The following HK2 variants were observed in gnomAD, a reference collection of about 807,000 sequenced individuals.
HK2 encodes hexokinase 2.
Under a neutral mutation model 92.9 loss-of-function variants are expected in HK2, and 42 were observed. The observed-to-expected ratio is 0.45, with a 90% confidence interval of 0.35 to 0.58. The LOEUF is 0.58. Among genes scored for constraint, HK2 ranks in the 20% least tolerant of loss-of-function variants. The pLI, the probability that HK2 is intolerant of heterozygous loss-of-function variation, is 0.00. For synonymous variants in HK2, 422 were observed against 468.0 expected, an observed-to-expected ratio of 0.90 and a Z score of 1.27; for missense variants, 978 against 1,245.1, an observed-to-expected ratio of 0.79 and a Z score of 3.23.
chr2:74,867,869 C>T (rs1380807348), intron 3 of HK2, 85 bp downstream of exon 3: 15 of 1,500,542 alleles, frequency 1.0e-5, no homozygotes, highest in African/African-American at 1.4e-5. Context: ...CCGCTCCCAG[C>T]GTGTGGATAG....
chr2:74,890,773 G>A, intron 17 of HK2, 24 bp from the exon 18 acceptor site: 3 of 1,613,962 alleles, frequency 1.9e-6, no homozygotes, highest in African/African-American at 2.7e-5. Context: ...GGTTTTTCCT[G>A]TGTCTTCCTC....
Position 74,860,021 on chromosome 2 carries a change from T to A in HK2, c.226+5566T>A, listed in dbSNP as rs542443755. Among the ~76,000 whole-genome samples, 4 of 152,318 alleles carry A rather than the reference T, an allele frequency of 2.6e-5. No homozygotes were observed. The South Asian group carries it at 8.3e-4, about 32-fold the overall frequency. On this transcript the variant is annotated intron_variant, in intron 2 of 17. Transcript: ENST00000290573. ...GAATGAAATAATGTATTTTGCAGCA[T>A]CATGGATGGAACTGGAGGCTGTTAT...
At chr2:74,872,507 G>A (rs572495486) in intron 4 of HK2, 88 bp downstream of exon 4, 21 of 1,462,618 alleles carry the variant, frequency 1.4e-5, no homozygotes, top group Non-Finnish European at 1.8e-5. Flanking sequence ...TGTGGTGGTG[G>A]TGGTAGCACT....
In HK2 at chr2:74,880,596, C is replaced by T. The variant is rs761466946; in HGVS notation, c.1570+27C>T. On this transcript the variant is annotated intron_variant, in intron 10 of 17. Transcript: ENST00000290573. ...TACACGGCAGGGTTGCCACCTGGCT[C>T]ACATGGTGGGCCTTTGTCCTGGTGT... is the stretch of plus-strand genomic sequence containing the variant. The T allele has an allele frequency of 2.5e-6, 4 of 1,607,676 alleles. No individual in the cohort carries two copies. The Admixed American group carries it at 5.1e-5, about 20-fold the overall frequency.
rs1449963316 is a variant in HK2 at position 74,892,190 on chromosome 2, A to ATT, written c.*1249_*1250insTT. The ATT allele has an allele frequency of 2.6e-5, 4 of 152,368 alleles. No individual in the cohort carries two copies. The highest frequency in any genetic ancestry group is 5.9e-5 in the Non-Finnish European group (4 of 68,052). The allele number at this position is 152,368 out of a possible 1,614,324, so 9.4% of individuals were successfully genotyped here. ...GCTTAGAAATCTTTATTCTTAGGGC[A>ATT]GTCAGTAGTATTCTAAAGCTTTCTG... On this transcript the variant is annotated 3_prime_UTR_variant, in exon 18 of 18. Coordinates refer to ENST00000290573, the MANE Select transcript of HK2 (RefSeq NM_000189.5).
Position 74,873,265 on chromosome 2 carries a change from T to G in HK2, c.496-11T>G. The G allele has an allele frequency of 6.2e-7, 1 of 1,601,524 alleles. No individual in the cohort carries two copies. The highest frequency in any genetic ancestry group is 8.6e-7 in the Non-Finnish European group (1 of 1,168,520). On this transcript the variant is annotated splice_polypyrimidine_tract_variant and intron_variant, in intron 4 of 17. Transcript: ENST00000290573. ...TGGGAAATCAATATTCACTTCTTGG[T>G]CCCTTTCCAGAGTTTCCTGGTCTCA...
chr2:74,838,584 G>GCTGGA (rs1558785544), intron 1 of HK2, among the ~76,000 whole-genome samples: 1 of 150,294 alleles, frequency 6.7e-6, no homozygotes, highest in Non-Finnish European at 1.5e-5. Context: ...TGTCGCCCAG[G>GCTGGA]CTGGAGTGCA....
chr2:74,882,359 C>T (rs1689418973), intron 12 of HK2, 120 bp downstream of exon 12: 2 of 1,468,708 alleles, frequency 1.4e-6, no homozygotes, highest in African/African-American at 2.8e-5. Context: ...CGTGAGTTAC[C>T]AGTAGTGGGG....
At chr2:74,854,573 A>C in intron 2 of HK2, 118 bp downstream of exon 2, 3 of 1,075,726 alleles carry the variant, frequency 2.8e-6, no homozygotes, top group Admixed American at 1.9e-5. Flanking sequence ...TAAGGGAAGC[A>C]TCCAGGGAAT....
chr2:74,851,481 G>A (rs973582753), intron 1 of HK2, among the ~76,000 whole-genome samples: 1 of 152,224 alleles, frequency 6.6e-6, no homozygotes, highest in Admixed American at 6.5e-5. Context: ...TTTCCAACAT[G>A]TCTTGAAACA....
intron 16 of HK2, 118 bp from the exon 17 acceptor site, chr2:74,889,127 G>A: frequency 2.5e-6 from 2 of 814,106 alleles, no homozygotes; most frequent in Non-Finnish European, 4.2e-6. Flanking sequence ...CGAGGGGCCA[G>A]CTCCTGGAGA....
rs544855170 is a variant in HK2, at chr2:74,864,660, C to G, written c.227-2976C>G. 2.6e-5 allele frequency among the ~76,000 whole-genome samples: 4 copies of G among 152,270 alleles called. No individual in the cohort carries two copies. In the South Asian group the frequency reaches 8.3e-4, roughly 32 times the overall value. On this transcript the variant is annotated intron_variant, in intron 2 of 17. Coordinates refer to ENST00000290573, the MANE Select transcript of HK2 (RefSeq NM_000189.5). ...TAACTGGGATTACAGGGCTACGCCA[C>G]CATGCCCGGCAAATTTTTGTATTAT...
At chr2:74,877,452 AC>A in intron 8 of HK2, 131 bp downstream of exon 8, 1 of 1,012,034 alleles carries the variant, frequency 9.9e-7, no homozygotes, top group Non-Finnish European at 1.5e-6. Flanking sequence ...CATGACGTGG[AC>A]CATGGCGGGC....
chr2:74,887,395 C>G (rs938784024), intron 15 of HK2, among the ~76,000 whole-genome samples: 8 of 151,548 alleles, frequency 5.3e-5, no homozygotes, highest in Admixed American at 4.6e-4. Flanking sequence ...AAAAGACCCT[C>G]AAGCCACTGC....
intron 12 of HK2, among the ~76,000 whole-genome samples, chr2:74,883,171 C>T (rs755893940): frequency 4.6e-5 from 7 of 152,146 alleles, no homozygotes; most frequent in South Asian, 4.1e-4. Flanking sequence ...TGCACGTGCA[C>T]GCTGCCGGTG....
intron 7 of HK2, among the ~76,000 whole-genome samples, chr2:74,875,233 A>C (rs958778962): frequency 6.6e-6 from 1 of 152,088 alleles, no homozygotes; most frequent in African/African-American, 2.4e-5. Flanking sequence ...TGACTGTTGT[A>C]GAAAAGCTTT....
At chr2:74,840,139 G>C (rs558173480) in intron 1 of HK2, among the ~76,000 whole-genome samples, 1 of 150,270 alleles carries the variant, frequency 6.7e-6, no homozygotes, top group Non-Finnish European at 1.5e-5. Context: ...TATATCTTTA[G>C]TAGAGATGGG....
At chr2:74,890,673 C>G (rs1689654487) in intron 17 of HK2, 124 bp from the exon 18 acceptor site, 4 of 1,087,030 alleles carry the variant, frequency 3.7e-6, no homozygotes, top group Non-Finnish European at 4.3e-6. Context: ...AGCTGTCATC[C>G]TTCTCCTCTT....
chr2:74,879,426 C>G (rs964563791), intron 9 of HK2, among the ~76,000 whole-genome samples: 2 of 152,162 alleles, frequency 1.3e-5, no homozygotes, highest in Non-Finnish European at 2.9e-5. Context: ...CTACTTATTT[C>G]CCCATCATTT....
Sources: gnomAD v4.1 joint callset for allele counts (sites outside exome capture counted in the v4.1 genomes callset) on GRCh38, gnomAD v4.1.1 for gene constraint, MANE v1.5 for transcripts, NCBI Gene and HGNC (gene_info 2026-07-23, HGNC 2026-07-21) for gene names.